CBLN2: variants seen among roughly 807,000 people sequenced by gnomAD.
CBLN2 encodes the protein cerebellin 2 precursor, also known as cerebellin-2.
Under a neutral mutation model 15.0 loss-of-function variants are expected in CBLN2, and 7 were observed. The observed-to-expected ratio is 0.47, with a 90% CI of 0.27 to 0.88. The LOEUF is 0.88. Ranked by LOEUF, CBLN2 falls within the 40% of genes least tolerant of loss-of-function variation. CBLN2 has a pLI of 0.14. For synonymous variants in CBLN2, 149 were observed against 135.2 expected, an observed-to-expected ratio of 1.10 and a Z score of -0.71; for missense variants, 242 against 304.5, an observed-to-expected ratio of 0.79 and a Z score of 1.53.
chr18:72,636,663 C>A (rs1296597668), intron 1 of CBLN2, among the ~76,000 whole-genome samples: 1 of 152,044 alleles, frequency 6.6e-6, no homozygotes, highest in African/African-American at 2.4e-5. Flanking sequence ...TAGATAACAC[C>A]CAACTCTGGC....
chr18:72,581,498 T>G (rs1195910642), intron 1 of CBLN2, among the ~76,000 whole-genome samples: 1 of 152,212 alleles, frequency 6.6e-6, no homozygotes, highest in East Asian at 1.9e-4. Flanking sequence ...TTTCTTTATG[T>G]ATACTGACCA....
At chr18:72,549,477 G>A (rs1328630289) in intron 1 of CBLN2, among the ~76,000 whole-genome samples, 2 of 152,152 alleles carry the variant, frequency 1.3e-5, no homozygotes, top group Non-Finnish European at 2.9e-5. Context: ...TTAAATATAT[G>A]ATGTTAAACT....
intron 1 of CBLN2, among the ~76,000 whole-genome samples, chr18:72,632,059 A>T (rs1363761094): frequency 6.6e-6 from 1 of 152,196 alleles, no homozygotes; most frequent in Non-Finnish European, 1.5e-5. Flanking sequence ...AGTTAATATT[A>T]TAAATGAAAA....
intron 1 of CBLN2, among the ~76,000 whole-genome samples, chr18:72,626,560 C>T (rs955049069): frequency 2.6e-5 from 4 of 151,882 alleles, no homozygotes; most frequent in South Asian, 2.1e-4. Flanking sequence ...ATTAGCTGGG[C>T]GTGGTGGCGG....
chr18:72,623,901 A>G (rs1251662572), intron 1 of CBLN2, among the ~76,000 whole-genome samples: 1 of 152,170 alleles, frequency 6.6e-6, no homozygotes, highest in Non-Finnish European at 1.5e-5. Flanking sequence ...GCCCTTAAAA[A>G]TACTTCTGCT....
At chr18:72,628,515 G>T (rs969185066) in intron 1 of CBLN2, among the ~76,000 whole-genome samples, 1 of 152,188 alleles carries the variant, frequency 6.6e-6, no homozygotes, top group Non-Finnish European at 1.5e-5. Flanking sequence ...ATTGGACGGA[G>T]ATGGCCCGGC....
chr18:72,548,828 C>G (rs375629864), upstream of CBLN2, among the ~76,000 whole-genome samples: 5 of 152,080 alleles, frequency 3.3e-5, 1 homozygote, highest in South Asian at 1.0e-3. Flanking sequence ...TGCACCCAGG[C>G]TGCGAAGATA....
intron 1 of CBLN2, among the ~76,000 whole-genome samples, chr18:72,603,846 T>C (rs772941963): frequency 3.3e-4 from 50 of 152,272 alleles, no homozygotes; most frequent in Admixed American, 1.1e-3. Context: ...GGAATACACA[T>C]GTAAAGTAGC....
chr18:72,556,640 A>G (rs1009739385), intron 1 of CBLN2, among the ~76,000 whole-genome samples: 7 of 152,230 alleles, frequency 4.6e-5, no homozygotes, highest in Admixed American at 1.3e-4. Context: ...CGGGAGAGTT[A>G]TGGAGCAATG....
At chr18:72,592,504 T>G (rs949878700) in intron 1 of CBLN2, among the ~76,000 whole-genome samples, 34 of 152,108 alleles carry the variant, frequency 2.2e-4, no homozygotes, top group African/African-American at 8.2e-4. Context: ...TGATGTGATC[T>G]CATTTGTCCA....
intron 1 of CBLN2, among the ~76,000 whole-genome samples, chr18:72,631,571 A>G (rs1382340705): frequency 6.6e-6 from 1 of 152,136 alleles, no homozygotes; most frequent in African/African-American, 2.4e-5. Context: ...TCTCCCACAC[A>G]TCAGTATTTC....
chr18:72,539,512 G>C (rs1370849097), intron 3 of CBLN2: 1 of 152,184 alleles, frequency 6.6e-6, no homozygotes, highest in Non-Finnish European at 1.5e-5. Flanking sequence ...CTGTAAATGA[G>C]CTTGAATAAA....
chr18:72,561,946 A>G (rs1158549585), intron 1 of CBLN2, among the ~76,000 whole-genome samples: 1 of 152,202 alleles, frequency 6.6e-6, no homozygotes, highest in East Asian at 1.9e-4. Flanking sequence ...CAGGTGGTCT[A>G]TGTGATAAGT....
At chr18:72,562,161 C>T (rs1452378364) in intron 1 of CBLN2, among the ~76,000 whole-genome samples, 1 of 152,100 alleles carries the variant, frequency 6.6e-6, no homozygotes, top group African/African-American at 2.4e-5. Context: ...CTATGTATCA[C>T]ATAAATTGAG....
At chr18:72,558,885 C>T (rs747088761) in intron 1 of CBLN2, among the ~76,000 whole-genome samples, 4 of 152,102 alleles carry the variant, frequency 2.6e-5, no homozygotes, top group Non-Finnish European at 4.4e-5. Flanking sequence ...AAAACCCTGT[C>T]TCTACTAAAA....
At position 72,550,543 on chromosome 18, in the gene CBLN2, C is replaced by A. The variant is rs141333731; in HGVS notation, c.16-11771G>T. On this transcript the variant is annotated intron_variant, in intron 1 of 2. Transcript: ENST00000581073. ...GCTACGGAGGCGGCGGAAAGAAAAG[C>A]ACTTTCATTAGTGAAATGATATTCA... 2.8e-4 allele frequency among the ~76,000 whole-genome samples: 43 copies of A among 152,264 alleles called. No homozygotes were observed. The East Asian group carries it at 7.9e-3, about 28-fold the overall frequency.
intron 1 of CBLN2, among the ~76,000 whole-genome samples, chr18:72,612,564 T>C (rs977240406): frequency 1.3e-5 from 2 of 152,168 alleles, no homozygotes; most frequent in Non-Finnish European, 2.9e-5. Flanking sequence ...TCTGTGTTTT[T>C]CTGTACTTAA....
chr18:72,552,956 T>C (rs1238093517), intron 1 of CBLN2, among the ~76,000 whole-genome samples: 1 of 152,194 alleles, frequency 6.6e-6, no homozygotes, highest in African/African-American at 2.4e-5. Context: ...TATTATTCAA[T>C]CCTATGTGTC....
intron 1 of CBLN2, among the ~76,000 whole-genome samples, chr18:72,611,659 T>G (rs2069623346): frequency 6.6e-6 from 1 of 152,204 alleles, no homozygotes; most frequent in Non-Finnish European, 1.5e-5. Context: ...GTTGGATGCA[T>G]AGTTTGCAAA....
Sources: allele counts gnomAD v4.1 joint callset (sites outside exome capture counted in the v4.1 genomes callset), GRCh38; gene constraint gnomAD v4.1.1; transcripts MANE v1.5; gene names NCBI Gene and HGNC (gene_info 2026-07-23, HGNC 2026-07-21).